MICU3: variants seen among roughly 807,000 people sequenced by gnomAD.
MICU3 encodes mitochondrial calcium uptake 3, also known as calcium uptake protein 3, mitochondrial.
Under a neutral mutation model 66.5 loss-of-function variants are expected in MICU3, and 62 were observed. The observed-to-expected ratio is 0.93, with a 90% confidence interval of 0.76 to 1.15. The LOEUF (loss-of-function observed/expected upper bound fraction) is 1.15, where lower values mean the gene tolerates loss of function less well. MICU3 is among the 50% of genes most tolerant of loss of function. The probability of loss-of-function intolerance (pLI) is 0.00; values close to 1 mark genes in which losing one functional copy is unlikely to be tolerated. For missense variants in MICU3, 779 were observed against 664.4 expected (o/e 1.17, Z -1.90); for synonymous variants, 308 against 240.7 (o/e 1.28, Z -2.59).
At chr8:17,075,214 C>T (rs752169542) in intron 3 of MICU3, among the ~76,000 whole-genome samples, 38 of 151,250 alleles carry the variant, frequency 2.5e-4, no homozygotes, top group Middle Eastern at 3.4e-3. Flanking sequence ...CCTAGCACAG[C>T]AGCGTGTTCA....
At chr8:17,070,636 A>G (rs1819418805) in intron 3 of MICU3, among the ~76,000 whole-genome samples, 1 of 122,580 alleles carries the variant, frequency 8.2e-6, no homozygotes, top group Non-Finnish European at 2.0e-5. Flanking sequence ...TTTTATAGAT[A>G]TGTTTTTTTT....
chr8:17,130,249 G>A, the MICU3 span, among the ~76,000 whole-genome samples: 1 of 152,132 alleles, frequency 6.6e-6, no homozygotes, highest in South Asian at 2.1e-4. Flanking sequence ...TTGAGACTAG[G>A]CGCGGTGGCT....
chr8:17,133,890 T>C, the MICU3 span, among the ~76,000 whole-genome samples: 5 of 152,244 alleles, frequency 3.3e-5, no homozygotes, highest in Non-Finnish European at 5.9e-5. Context: ...ATTTGGACTA[T>C]CTGGCTGTTC....
At chr8:17,116,703 A>G (rs1802715294) in intron 13 of MICU3, 103 bp downstream of exon 13, 1 of 851,904 alleles carries the variant, frequency 1.2e-6, no homozygotes, top group Admixed American at 3.5e-5. Context: ...TTAAGGATAT[A>G]AACATGAATG....
chr8:17,104,384 T>C lies in MICU3; in HGVS notation c.985-7T>C, dbSNP rs555688593. 2 of 1,352,398 alleles carry C rather than the reference T, an allele frequency of 1.5e-6. No homozygotes were observed. The highest frequency in any genetic ancestry group is 4.4e-5 in the South Asian group (2 of 45,908). 83.8% of individuals were successfully genotyped at this position (1,352,398 alleles called of 1,614,324 possible). A position where few individuals can be genotyped will look rare whatever the true frequency, so the allele number is the denominator to read the frequency against. ...AGCTAACTTTTAAATTGTGATTTTT[T>C]TTTAAGCGTGCTGATGACATCACAA... is the stretch of plus-strand genomic sequence containing the variant. On this transcript the variant is annotated splice_polypyrimidine_tract_variant and splice_region_variant and intron_variant, in intron 9 of 14. Transcript: ENST00000318063.
intron 1 of MICU3, among the ~76,000 whole-genome samples, chr8:17,050,575 C>T (rs1815902400): frequency 6.6e-6 from 1 of 152,072 alleles, no homozygotes; most frequent in Non-Finnish European, 1.5e-5. Flanking sequence ...TCTATTTGAT[C>T]TGTCCATTTC....
intron 1 of MICU3, among the ~76,000 whole-genome samples, chr8:17,052,137 A>T (rs1816200325): frequency 1.3e-5 from 2 of 152,208 alleles, no homozygotes; most frequent in Admixed American, 1.3e-4. Context: ...TGTATGTGAA[A>T]GTACTTTATA....
chr8:17,036,961 C>T (rs906564782), intron 1 of MICU3, among the ~76,000 whole-genome samples: 1 of 152,222 alleles, frequency 6.6e-6, no homozygotes, highest in Non-Finnish European at 1.5e-5. Context: ...AGTCCTGCCC[C>T]GCGGGAAGGC....
intron 12 of MICU3, among the ~76,000 whole-genome samples, chr8:17,115,113 C>T (rs1401749989): frequency 3.0e-5 from 3 of 98,500 alleles, no homozygotes; most frequent in Admixed American, 9.9e-5. Flanking sequence ...AGCGAGACTC[C>T]GTCTCAAAAA....
chr8:17,108,885 T>C (rs1009954028), intron 11 of MICU3, among the ~76,000 whole-genome samples: 8 of 152,158 alleles, frequency 5.3e-5, no homozygotes, highest in Admixed American at 6.5e-5. Context: ...TCACTTCCTA[T>C]ATTCTGATCC....
At chr8:17,060,742 C>T (rs1817702510) in intron 1 of MICU3, among the ~76,000 whole-genome samples, 1 of 151,794 alleles carries the variant, frequency 6.6e-6, no homozygotes, top group Admixed American at 6.6e-5. Context: ...CTGGGAAGCC[C>T]TTTTAAGCAC....
At chr8:17,052,530 C>T (rs1237657374) in intron 1 of MICU3, among the ~76,000 whole-genome samples, 1 of 152,168 alleles carries the variant, frequency 6.6e-6, no homozygotes. Context: ...TTCCCATAGT[C>T]TGGTAACTAT....
downstream of MICU3, among the ~76,000 whole-genome samples, chr8:17,123,563 G>A (rs1803320671): frequency 6.6e-6 from 1 of 152,040 alleles, no homozygotes; most frequent in Non-Finnish European, 1.5e-5. Flanking sequence ...TATTGAGCAT[G>A]GGGGGCAATT....
intron 11 of MICU3, among the ~76,000 whole-genome samples, chr8:17,108,628 C>T (rs1047098884): frequency 2.6e-5 from 4 of 152,126 alleles, no homozygotes; most frequent in Non-Finnish European, 5.9e-5. Flanking sequence ...TTAACCACTC[C>T]TAGCCACCTC....
chr8:17,105,610 T>G (rs1365492929), intron 11 of MICU3, 26 bp downstream of exon 11: 1 of 1,419,102 alleles, frequency 7.0e-7, no homozygotes, highest in East Asian at 2.5e-5. Flanking sequence ...ATTTAGTTGG[T>G]TATGTTACTG....
chr8:17,070,206 T>C lies in MICU3; in HGVS notation c.567+487T>C, dbSNP rs111775918. Among the ~76,000 whole-genome samples, 12 of 152,178 alleles carry C rather than the reference T, an allele frequency of 7.9e-5. 1 individual carries two copies. The highest frequency in any genetic ancestry group is 2.6e-4 in the African/African-American group (11 of 41,552). The stretch of plus-strand genomic sequence containing the variant: ...CAGGAGAGGTTCACAAGAATGTTTA[T>C]AGATTATATATGATGGCCCCAAAAC... On this transcript the variant is annotated intron_variant, in intron 3 of 14. Coordinates refer to ENST00000318063, the MANE Select transcript of MICU3 (RefSeq NM_181723.3).
chr8:17,114,038 G>GGTGGTCGTCGT, intron 11 of MICU3, 55 bp from the exon 12 acceptor site: 2 of 1,163,078 alleles, frequency 1.7e-6, no homozygotes, highest in Non-Finnish European at 2.5e-6. Context: ...TGTAGATCCT[G>GGTGGTCGTCGT]ATTTTAATAA....
rs779213885 is a variant in MICU3 at position 17,098,516 on chromosome 8, G to A, written c.947G>A (p.Arg316His). Reference protein sequence around the residue: ...VSRSYWDTLRRNTSQALFSDL... With the variant: ...VSRSYWDTLRHNTSQALFSDL... ...AGAAGCTATTGGGATACACTGAGACGTAACACAAGCCAAGCACTGTTTTCA... is the reference window on the plus strand; with the variant it reads ...AGAAGCTATTGGGATACACTGAGACATAACACAAGCCAAGCACTGTTTTCA... The change falls in exon 9 of 15, where the codon CGT (arginine) becomes CAT (histidine). Residue 316 changes from arginine (R) to histidine (H), a missense_variant. Physicochemically the swap from Arg to His is conservative, Grantham distance 29 (BLOSUM62 0). Coordinates refer to ENST00000318063, the MANE Select transcript of MICU3 (RefSeq NM_181723.3). 2.5e-6 allele frequency: 4 copies of A among 1,611,578 alleles called. No homozygotes were observed. Among genetic ancestry groups the A allele is most frequent in the Admixed American group, 1.7e-5 (1 of 59,868 alleles).
intron 1 of MICU3, among the ~76,000 whole-genome samples, chr8:17,043,148 C>A (rs947200603): frequency 6.6e-6 from 1 of 151,496 alleles, no homozygotes; most frequent in Admixed American, 6.6e-5. Flanking sequence ...ACCGTGTTAG[C>A]CAGGATGGTC....
Sources: gnomAD v4.1 joint callset for allele counts (sites outside exome capture counted in the v4.1 genomes callset) on GRCh38, gnomAD v4.1.1 for gene constraint, MANE v1.5 for transcripts, NCBI Gene and HGNC (gene_info 2026-07-23, HGNC 2026-07-21) for gene names.